Variants in OTUD3 observed in about 807,000 individuals in gnomAD.
The protein encoded by OTUD3 is OTU domain-containing protein 3.
Under a neutral mutation model 46.2 loss-of-function variants are expected in OTUD3, and 24 were observed. The observed-to-expected ratio is 0.52, with a 90% CI of 0.38 to 0.73. The LOEUF (loss-of-function observed/expected upper bound fraction) is 0.73. Among genes scored for constraint, OTUD3 ranks in the 30% least tolerant of loss-of-function variants. The pLI is 0.00. For missense variants in OTUD3, 455 were observed against 523.3 expected, an observed-to-expected ratio of 0.87 and a Z score of 1.27; for synonymous variants, 189 against 195.4, an observed-to-expected ratio of 0.97 and a Z score of 0.27.
chr1:19,889,058 A>T (rs1192686554), intron 1 of OTUD3, among the ~76,000 whole-genome samples: 1 of 152,196 alleles, frequency 6.6e-6, no homozygotes, highest in Admixed American at 6.5e-5. Flanking sequence ...TAGTGGTGGC[A>T]GATGCTGATT....
chr1:19,903,998 T>C (rs2045624400), intron 4 of OTUD3, among the ~76,000 whole-genome samples: 1 of 152,224 alleles, frequency 6.6e-6, no homozygotes, highest in African/African-American at 2.4e-5. Context: ...CATTTGCCAG[T>C]GTTGGCATTT....
intron 1 of OTUD3, among the ~76,000 whole-genome samples, chr1:19,883,035 T>G (rs1323526821): frequency 1.3e-5 from 2 of 152,184 alleles, no homozygotes; most frequent in Non-Finnish European, 2.9e-5. Context: ...CAGGAAGGGC[T>G]CTCTCAAAGG....
intron 2 of OTUD3, 51 bp downstream of exon 2, chr1:19,890,584 T>G: frequency 2.0e-6 from 3 of 1,512,074 alleles, no homozygotes; most frequent in Non-Finnish European, 2.8e-6. Context: ...CATTGGGTAA[T>G]TAAGTCCACT....
intron 2 of OTUD3, among the ~76,000 whole-genome samples, chr1:19,892,711 C>T (rs1382651070): frequency 1.3e-5 from 2 of 152,100 alleles, no homozygotes; most frequent in African/African-American, 4.8e-5. Flanking sequence ...TAAAATCAGA[C>T]CTCTGTGGCC....
At position 19,904,960 on chromosome 1, in the gene OTUD3, C is replaced by A. The variant is rs532238566; in HGVS notation, c.808C>A (p.Leu270Ile). ...YNIESAIIAV[L>I]RMNQGKRNNA... ...TATTGAATCTGCAATAATTGCCGTGCTTCGGATGAACCAAGGGAAGAGAAA... is the reference window on the plus strand; with the variant it reads ...TATTGAATCTGCAATAATTGCCGTGATTCGGATGAACCAAGGGAAGAGAAA... The change falls in exon 6 of 8, where the codon CTT becomes ATT. Residue 270 changes from leucine to isoleucine, a missense_variant. Physicochemically the swap from Leu to Ile is conservative, Grantham distance 5 (BLOSUM62 2). Coordinates refer to ENST00000375120, the MANE Select transcript of OTUD3 (RefSeq NM_015207.2). The A allele has an allele frequency of 1.9e-6, 3 of 1,586,186 alleles. No individual in the cohort carries two copies. In the African/African-American group the frequency reaches 4.0e-5, roughly 21 times the overall value.
intron 5 of OTUD3, 99 bp downstream of exon 5, chr1:19,904,497 T>C (rs1415927199): frequency 8.9e-7 from 1 of 1,117,818 alleles, no homozygotes; most frequent in Non-Finnish European, 1.3e-6. Context: ...ATCAGCACCT[T>C]GTGGGCCAAA....
rs1315202761 is a variant in OTUD3, at chr1:19,907,598, A to G, written c.1049A>G (p.Gln350Arg). The G allele has an allele frequency of 1.9e-6, 3 of 1,611,460 alleles. No individual in the cohort carries two copies. Among genetic ancestry groups the G allele is most frequent in the Non-Finnish European group, 1.7e-6 (2 of 1,178,642 alleles). Reference sequence around the variant, plus strand: ...ACAAACAAACAGAGGCGAGAACAGCAGTGGATGGAGAAGAAGAAGCGGCAG... The same window carrying G: ...ACAAACAAACAGAGGCGAGAACAGCGGTGGATGGAGAAGAAGAAGCGGCAG... ...KVTNKQRREQ[Q>R]WMEKKKRQEE... Residue 350 changes from glutamine (Q) to arginine (R), a missense_variant, in exon 8 of 8, where the codon CAG (glutamine) becomes CGG (arginine). Gln to Arg is a conservative substitution (Grantham distance 43). Coordinates refer to ENST00000375120, the MANE Select transcript of OTUD3 (RefSeq NM_015207.2).
At chr1:19,883,729 C>T (rs1432776931) in intron 1 of OTUD3, among the ~76,000 whole-genome samples, 1 of 152,168 alleles carries the variant, frequency 6.6e-6, no homozygotes, top group Non-Finnish European at 1.5e-5. Flanking sequence ...GATCCTCCTG[C>T]CTCGGCCTCC....
chr1:19,899,475 A>T (rs890259050), intron 4 of OTUD3, among the ~76,000 whole-genome samples: 28 of 152,332 alleles, frequency 1.8e-4, no homozygotes, highest in African/African-American at 6.7e-4. Flanking sequence ...AAGGCTGCGT[A>T]GTGTTCTGTT....
chr1:19,903,547 CTG>C (rs149510843), intron 4 of OTUD3, among the ~76,000 whole-genome samples: 3,069 of 152,276 alleles, frequency 0.02, 100 homozygotes, highest in African/African-American at 0.07. Context: ...AAAAATAGAA[CTG>C]TCTTTGCCCA....
In OTUD3 at chr1:19,911,844, T is replaced by C. The variant is rs1208094170; in HGVS notation, c.*4098T>C. 1 of 152,348 alleles carries C rather than the reference T, an allele frequency of 6.6e-6. No individual in the cohort carries two copies. The highest frequency in any genetic ancestry group is 1.5e-5 in the Non-Finnish European group (1 of 68,036). 9.4% of individuals were successfully genotyped at this position (152,348 alleles called of 1,614,324 possible). A position where few individuals can be genotyped will look rare whatever the true frequency, so the allele number is the denominator to read the frequency against. ...CCACGTGCACTTAGGATGCAGAGCTTACCGCACACCGCTGATGGGGACCTC... is the reference window on the plus strand; with the variant it reads ...CCACGTGCACTTAGGATGCAGAGCTCACCGCACACCGCTGATGGGGACCTC... On this transcript the variant is annotated 3_prime_UTR_variant, in exon 8 of 8. Transcript: ENST00000375120.
chr1:19,893,162 T>C lies in OTUD3; in HGVS notation c.371-1206T>C, dbSNP rs906009242. Among the ~76,000 whole-genome samples the C allele has an allele frequency of 3.3e-5, 5 of 152,338 alleles. No individual in the cohort carries two copies. In the East Asian group the frequency reaches 5.8e-4, roughly 18 times the overall value. ...CGCTCCTCAATTCCACGTTGGCTTATGTTCACCACCTGGAGTTAGCCAAAC... is the reference window on the plus strand; with the variant it reads ...CGCTCCTCAATTCCACGTTGGCTTACGTTCACCACCTGGAGTTAGCCAAAC... On this transcript the variant is annotated intron_variant, in intron 2 of 7. Transcript: ENST00000375120.
At position 19,904,296 on chromosome 1, in the gene OTUD3, TAAAAG is replaced by T. The variant is rs2045629252; in HGVS notation, c.638_642del (p.Lys213ArgfsTer11). 1 of 1,607,716 alleles carries T rather than the reference TAAAAG, an allele frequency of 6.2e-7. No individual in the cohort carries two copies. Among genetic ancestry groups the T allele is most frequent in the South Asian group, 1.1e-5 (1 of 89,858 alleles). On this transcript the variant is annotated frameshift_variant, in exon 5 of 8. Transcript: ENST00000375120. LOFTEE classifies it high-confidence loss of function. The stretch of plus-strand genomic sequence containing the variant: ...AGATGCTTCATCAAGATGAATCAAA[TAAAAG>T]AGAAAAGATCAAGACAAAGGGAATG...
intron 6 of OTUD3, among the ~76,000 whole-genome samples, chr1:19,905,294 G>A (rs368200540): frequency 1.8e-4 from 28 of 152,084 alleles, no homozygotes; most frequent in Admixed American, 1.3e-3. Flanking sequence ...GAAATAAGAT[G>A]GCCTTAGAAG....
intron 3 of OTUD3, among the ~76,000 whole-genome samples, 188 bp downstream of exon 3, chr1:19,894,668 C>A (rs767655260): frequency 6.6e-6 from 1 of 152,128 alleles, no homozygotes; most frequent in South Asian, 2.1e-4. Flanking sequence ...AAATGGAGTC[C>A]GGAGTATAAT....
intron 1 of OTUD3, among the ~76,000 whole-genome samples, chr1:19,886,699 A>C (rs1475346253): frequency 1.3e-5 from 2 of 152,240 alleles, no homozygotes; most frequent in Non-Finnish European, 2.9e-5. Flanking sequence ...AGTGTTTCTC[A>C]AACTTCAGTA....
chr1:19,906,967 G>C (rs1054858172), intron 7 of OTUD3: 1 of 173,456 alleles, frequency 5.8e-6, no homozygotes, highest in African/African-American at 2.4e-5. Context: ...TAAATCTTTG[G>C]TTTTTGCATT....
rs1354985803 is a variant in OTUD3, at chr1:19,912,788, A to G, written c.*5042A>G. ...AACCATTTTATTTTTTATTTACCAA[A>G]GTACTGTACTTGGCTATTTGCAGTG... On this transcript the variant is annotated 3_prime_UTR_variant, in exon 8 of 8. Transcript: ENST00000375120. 1.3e-5 allele frequency: 2 copies of G among 152,268 alleles called. No homozygotes were observed. Among genetic ancestry groups the G allele is most frequent in the African/African-American group, 4.8e-5 (2 of 41,408 alleles). 9.4% of individuals were successfully genotyped at this position (152,268 alleles called of 1,614,324 possible).
rs781247080 is a variant in OTUD3 at position 19,906,462 on chromosome 1, G to A, written c.866G>A (p.Arg289Gln). The change falls in exon 7 of 8, where the codon CGA (arginine) becomes CAA (glutamine). Residue 289 changes from arginine (R) to glutamine (Q), a missense_variant. Transcript: ENST00000375120. ...NAEENLEPSG[R>Q]VLKQCGPLWE... is the part of the protein sequence containing the mutation. The stretch of plus-strand genomic sequence containing the variant: ...GAAGAGAATCTTGAGCCCAGTGGTC[G>A]AGTGCTGAAGCAGTGTGGCCCTTTG... 1.1e-5 allele frequency: 18 copies of A among 1,613,878 alleles called. No homozygotes were observed. The South Asian group carries it at 1.2e-4, about 11-fold the overall frequency.
Sources: allele counts gnomAD v4.1 joint callset (sites outside exome capture counted in the v4.1 genomes callset), GRCh38; gene constraint gnomAD v4.1.1; transcripts MANE v1.5; gene names NCBI Gene and HGNC (gene_info 2026-07-23, HGNC 2026-07-21).